ATP8A2: variants seen among roughly 807,000 people sequenced by gnomAD.
ATP8A2 encodes ATPase phospholipid transporting 8A2.
ATP8A2 carries 100 observed loss-of-function variants against 165.6 expected under a neutral mutation model. That is an observed-to-expected ratio of 0.60 (90% CI 0.51 to 0.71). ATP8A2 has a LOEUF of 0.71. Ranked by LOEUF, ATP8A2 falls within the 30% of genes least tolerant of loss-of-function variation. The probability of loss-of-function intolerance (pLI) is 0.00; values close to 1 mark genes in which losing one functional copy is unlikely to be tolerated. For synonymous variants in ATP8A2, 543 were observed against 548.8 expected, an observed-to-expected ratio of 0.99 and a Z score of 0.15; for missense variants, 1,227 against 1,479.5, an observed-to-expected ratio of 0.83 and a Z score of 2.80.
rs775252102 is a variant in ATP8A2, at chr13:25,559,011, A to G, written c.1302A>G (p.Thr434=). The G allele has an allele frequency of 6.2e-6, 10 of 1,613,062 alleles. No homozygotes were observed. The highest frequency in any genetic ancestry group is 5.5e-5 in the South Asian group (5 of 90,828). ...YLFSDKTGTL[T]CNIMNFKKCS... ...TTTCTGACAAGACTGGAACGCTTAC[A>G]TGCAATATCATGAACTTTAAGAAGT... The change falls in exon 14 of 37, where the codon ACA becomes ACG. Residue 434 remains threonine, a synonymous_variant. Transcript: ENST00000381655.
intron 16 of ATP8A2, among the ~76,000 whole-genome samples, chr13:25,569,672 G>T (rs1454417001): frequency 2.6e-5 from 4 of 152,200 alleles, no homozygotes; most frequent in Non-Finnish European, 4.4e-5. Flanking sequence ...ATTTGTGGGT[G>T]ATATAATTGT....
At chr13:25,398,358 A>T (rs1033897) in intron 1 of ATP8A2, among the ~76,000 whole-genome samples, 93,289 of 152,044 alleles carry the variant, frequency 0.61, 30,496 homozygotes, top group Non-Finnish European at 0.74. Context: ...CCTAAACATC[A>T]AAAGAGAGAA....
chr13:25,423,113 A>G (rs2034347327), intron 1 of ATP8A2, among the ~76,000 whole-genome samples: 1 of 152,126 alleles, frequency 6.6e-6, no homozygotes, highest in South Asian at 2.1e-4. Flanking sequence ...GAAGGCATCA[A>G]CTTCCACCCT....
chr13:25,568,623 G>A (rs2039383382), intron 16 of ATP8A2, among the ~76,000 whole-genome samples: 1 of 152,136 alleles, frequency 6.6e-6, no homozygotes, highest in East Asian at 1.9e-4. Flanking sequence ...AGAATGGAGA[G>A]TTATTGTTTA....
intron 35 of ATP8A2, among the ~76,000 whole-genome samples, chr13:25,984,815 G>A (rs1358168019): frequency 6.6e-6 from 1 of 152,122 alleles, no homozygotes; most frequent in Non-Finnish European, 1.5e-5. Context: ...GATCTCGGCA[G>A]CATGATCACG....
chr13:25,519,917 AG>A (rs1184815684), intron 2 of ATP8A2, among the ~76,000 whole-genome samples: 1 of 152,218 alleles, frequency 6.6e-6, no homozygotes, highest in East Asian at 1.9e-4. Flanking sequence ...ATTTTTAAAA[AG>A]TTGCTACATA....
rs1249775588 is a variant in ATP8A2 at position 26,024,870 on chromosome 13, G to A, written c.*4885G>A. On this transcript the variant is annotated 3_prime_UTR_variant, in exon 37 of 37. Transcript: ENST00000381655. ...GTGGCTTTGATTTATGACAGAAAGA[G>A]GAAGAAGAAAGTTGGAGTAATAGCA... The A allele has an allele frequency of 2.0e-5, 3 of 152,100 alleles. No individual in the cohort carries two copies. Among genetic ancestry groups the A allele is most frequent in the Admixed American group, 6.5e-5 (1 of 15,274 alleles). The allele number at this position is 152,100 out of a possible 1,614,324, so 9.4% of individuals were successfully genotyped here. A position where few individuals can be genotyped will look rare whatever the true frequency, so the allele number is the denominator to read the frequency against.
intron 33 of ATP8A2, among the ~76,000 whole-genome samples, chr13:25,892,478 G>GTCTCTCTGTCTCTCTCTC (rs1555286135): frequency 1.5e-4 from 21 of 136,246 alleles, no homozygotes; most frequent in Admixed American, 1.2e-3. Flanking sequence ...CTGTCTCTCT[G>GTCTCTCTGTCTCTCTCTC]TCTCTCTCTC....
chr13:25,548,850 G>T (rs911294106), intron 10 of ATP8A2, among the ~76,000 whole-genome samples: 30 of 152,320 alleles, frequency 2.0e-4, no homozygotes, highest in African/African-American at 7.2e-4. Context: ...TGCCCCCAAA[G>T]AAAACTGTGG....
intron 30 of ATP8A2, among the ~76,000 whole-genome samples, chr13:25,855,695 G>C (rs1952144556): frequency 6.6e-6 from 1 of 152,138 alleles, no homozygotes; most frequent in Non-Finnish European, 1.5e-5. Context: ...GAGTACAATG[G>C]CTAGGTCACA....
intron 36 of ATP8A2, among the ~76,000 whole-genome samples, chr13:26,016,156 C>G (rs1593720375): frequency 6.6e-6 from 1 of 152,194 alleles, no homozygotes; most frequent in Admixed American, 6.5e-5. Context: ...TCCTTTCACT[C>G]TTGAATTGTA....
intron 33 of ATP8A2, among the ~76,000 whole-genome samples, chr13:25,914,535 T>A (rs1400080838): frequency 6.6e-6 from 1 of 152,202 alleles, no homozygotes; most frequent in African/African-American, 2.4e-5. Flanking sequence ...TTCCCTAACC[T>A]ACACATCCAT....
chr13:25,847,276 T>C (rs60417609), intron 30 of ATP8A2, among the ~76,000 whole-genome samples: 3 of 152,220 alleles, frequency 2.0e-5, no homozygotes, highest in African/African-American at 7.2e-5. Context: ...CCGATCATAG[T>C]ACATTGAAAA....
chr13:25,807,344 T>G (rs1950764718), intron 27 of ATP8A2, among the ~76,000 whole-genome samples: 1 of 152,174 alleles, frequency 6.6e-6, no homozygotes, highest in South Asian at 2.1e-4. Flanking sequence ...GTTATTTATT[T>G]TGAGTTATTG....
intron 1 of ATP8A2, among the ~76,000 whole-genome samples, chr13:25,445,057 G>C (rs910390694): frequency 1.3e-5 from 2 of 151,968 alleles, no homozygotes; most frequent in African/African-American, 4.8e-5. Context: ...TCTTTATTTT[G>C]GATGCAAGCA....
At chr13:25,638,238 C>T (rs145812427) in intron 24 of ATP8A2, among the ~76,000 whole-genome samples, 4,553 of 152,256 alleles carry the variant, frequency 0.03, 127 homozygotes, top group East Asian at 0.13. Flanking sequence ...TCGCCAGCAA[C>T]GGAACAAAGC....
chr13:25,502,873 A>G (rs1233886977), intron 2 of ATP8A2, among the ~76,000 whole-genome samples: 1 of 152,090 alleles, frequency 6.6e-6, no homozygotes, highest in Non-Finnish European at 1.5e-5. Flanking sequence ...GTGTAGGTAT[A>G]GTGGGTGTTT....
intron 2 of ATP8A2, among the ~76,000 whole-genome samples, chr13:25,527,962 T>C (rs1393681189): frequency 6.6e-6 from 1 of 152,228 alleles, no homozygotes; most frequent in Non-Finnish European, 1.5e-5. Flanking sequence ...AACTTTCTTT[T>C]TGTTTTTTGC....
At chr13:25,454,783 G>A (rs1209601985) in intron 1 of ATP8A2, among the ~76,000 whole-genome samples, 1 of 152,154 alleles carries the variant, frequency 6.6e-6, no homozygotes, top group African/African-American at 2.4e-5. Context: ...TTGGCCAGGC[G>A]TGATGGCACA....
Sources: gnomAD v4.1 joint callset for allele counts (sites outside exome capture counted in the v4.1 genomes callset) on GRCh38, gnomAD v4.1.1 for gene constraint, MANE v1.5 for transcripts, NCBI Gene and HGNC (gene_info 2026-07-23, HGNC 2026-07-21) for gene names.